LY75: variants seen among roughly 807,000 people sequenced by gnomAD.
The protein encoded by LY75 is C-type lectin domain family 13 member B.
A neutral mutation model predicts 231.7 loss-of-function variants in LY75; 185 were observed. The observed-to-expected ratio is 0.80, with a 90% confidence interval of 0.71 to 0.90. The LOEUF (loss-of-function observed/expected upper bound fraction) is 0.90, where lower values mean the gene tolerates loss of function less well. Among genes scored for constraint, LY75 ranks in the 40% least tolerant of loss-of-function variants. LY75 has a pLI of 0.00. For synonymous variants in LY75, 668 were observed against 689.0 expected, an observed-to-expected ratio of 0.97 and a Z score of 0.48; for missense variants, 1,947 against 2,050.2, an observed-to-expected ratio of 0.95 and a Z score of 0.97.
At chr2:159,845,932 G>A (rs1440945555) in intron 23 of LY75, among the ~76,000 whole-genome samples, 1 of 151,408 alleles carries the variant, frequency 6.6e-6, no homozygotes, top group Non-Finnish European at 1.5e-5. Flanking sequence ...TATGATAAAA[G>A]AGGCATCCTA....
chr2:159,815,613 T>C, intron 30 of LY75, 40 bp from the exon 31 acceptor site: 1 of 1,582,844 alleles, frequency 6.3e-7, no homozygotes, highest in African/African-American at 1.4e-5. Context: ...ATCCAGATGT[T>C]TGACTTCAAA....
intron 3 of LY75, among the ~76,000 whole-genome samples, chr2:159,893,491 A>T (rs758278964): frequency 1.3e-5 from 2 of 152,130 alleles, no homozygotes; most frequent in Non-Finnish European, 2.9e-5. Context: ...ATTTGTTGCA[A>T]TTTTGTCCTT....
chr2:159,879,475 A>G (rs1030175153), intron 8 of LY75, 106 bp from the exon 9 acceptor site: 4 of 1,477,566 alleles, frequency 2.7e-6, no homozygotes, highest in East Asian at 2.3e-5. Context: ...AGAAATGAAT[A>G]TAAGTGAATT....
intron 28 of LY75, among the ~76,000 whole-genome samples, chr2:159,825,779 A>T (rs62175255): frequency 6.6e-6 from 1 of 151,856 alleles, no homozygotes; most frequent in South Asian, 2.1e-4. Flanking sequence ...TCGGCTTCAT[A>T]TCTGGGATGA....
Position 159,894,090 on chromosome 2 carries a change from T to G in LY75, c.467-6A>C, listed in dbSNP as rs1260545935. 2 of 1,586,320 alleles carry G rather than the reference T, an allele frequency of 1.3e-6. No individual in the cohort carries two copies. Among genetic ancestry groups the G allele is most frequent in the Non-Finnish European group, 1.7e-6 (2 of 1,167,786 alleles). ...CCCATCTCTGGTATAGATCTCTGGG[T>G]TGGAGAGGAAGTTGGGGAAAAGAGA... On this transcript the variant is annotated splice_region_variant and splice_polypyrimidine_tract_variant and intron_variant, in intron 2 of 34. Coordinates refer to ENST00000263636, the MANE Select transcript of LY75 (RefSeq NM_002349.4).
chr2:159,864,631 T>C (rs1464302337), intron 14 of LY75, among the ~76,000 whole-genome samples: 1 of 152,198 alleles, frequency 6.6e-6, no homozygotes, highest in Non-Finnish European at 1.5e-5. Flanking sequence ...CATGCTGTTT[T>C]GGTTACTATA....
At chr2:159,816,232 T>C (rs1229565863) in intron 30 of LY75, among the ~76,000 whole-genome samples, 1 of 152,206 alleles carries the variant, frequency 6.6e-6, no homozygotes, top group African/African-American at 2.4e-5. Flanking sequence ...TTAAATAATA[T>C]GATTCAAATA....
chr2:159,904,705 G>T lies in LY75; in HGVS notation c.-23C>A, dbSNP rs1226104311. On this transcript the variant is annotated 5_prime_UTR_variant, in exon 1 of 35. Transcript: ENST00000263636. ...CATCCTGAGCTGGCGCAAGCCTTCCGGCCGGGTCCTCGGGCGCACGCGGCT... is the reference window on the plus strand; with the variant it reads ...CATCCTGAGCTGGCGCAAGCCTTCCTGCCGGGTCCTCGGGCGCACGCGGCT... 4.3e-6 allele frequency: 6 copies of T among 1,408,378 alleles called. No individual in the cohort carries two copies. The East Asian group carries it at 1.8e-4, about 43-fold the overall frequency. The allele number at this position is 1,408,378 out of a possible 1,614,324, so 87.2% of individuals were successfully genotyped here.
chr2:159,879,233 A>C lies in LY75; in HGVS notation c.1515+26T>G, dbSNP rs938252801. Reference sequence around the variant, plus strand: ...CCAAGAAGTTGTAATACTGCTTGAGAAAATTTACATAGGGATTTTACCTAC... The same window carrying C: ...CCAAGAAGTTGTAATACTGCTTGAGCAAATTTACATAGGGATTTTACCTAC... On this transcript the variant is annotated intron_variant, in intron 9 of 34. Coordinates refer to ENST00000263636, the MANE Select transcript of LY75 (RefSeq NM_002349.4). 10 of 1,603,042 alleles carry C rather than the reference A, an allele frequency of 6.2e-6. No homozygotes were observed. In the East Asian group the frequency reaches 2.2e-4, roughly 36 times the overall value.
At chr2:159,828,697 T>C (rs1683555727) in intron 28 of LY75, among the ~76,000 whole-genome samples, 1 of 152,184 alleles carries the variant, frequency 6.6e-6, no homozygotes, top group South Asian at 2.1e-4. Flanking sequence ...CAGAGAAGCA[T>C]TATACATAAT....
intron 3 of LY75, among the ~76,000 whole-genome samples, chr2:159,891,842 G>A (rs1241412046): frequency 6.6e-6 from 1 of 152,214 alleles, no homozygotes; most frequent in Non-Finnish European, 1.5e-5. Context: ...CTGAGAAACA[G>A]GGGTTTACAT....
At chr2:159,818,013 C>T (rs1373789359) in intron 29 of LY75, among the ~76,000 whole-genome samples, 1 of 152,008 alleles carries the variant, frequency 6.6e-6, no homozygotes, top group African/African-American at 2.4e-5. Flanking sequence ...GGCGCCACTG[C>T]ACTCCAGCCT....
intron 3 of LY75, 37 bp from the exon 4 acceptor site, chr2:159,890,414 G>A: frequency 6.2e-7 from 1 of 1,608,112 alleles, no homozygotes; most frequent in Non-Finnish European, 8.5e-7. Flanking sequence ...ATAAAGTAAG[G>A]ACATAATGTT....
At chr2:159,889,001 C>T (rs1034048935) in intron 4 of LY75, among the ~76,000 whole-genome samples, 4 of 152,108 alleles carry the variant, frequency 2.6e-5, no homozygotes, top group African/African-American at 9.7e-5. Context: ...TCATATATTA[C>T]AATTATTTGT....
rs928211122 is a variant in LY75 at position 159,804,313 on chromosome 2, G to C, written c.*731C>G. On this transcript the variant is annotated 3_prime_UTR_variant, in exon 35 of 35. Transcript: ENST00000263636. ...GAGGATCACCTGCGGTCACGAGTTC[G>C]AGACCAGCCTGGCCAACATGGTGAA... 4 of 152,146 alleles carry C rather than the reference G, an allele frequency of 2.6e-5. No individual in the cohort carries two copies. The highest frequency in any genetic ancestry group is 6.5e-5 in the Admixed American group (1 of 15,278). 9.4% of individuals were successfully genotyped at this position (152,146 alleles called of 1,614,324 possible).
rs1685237266 is a variant in LY75 at position 159,875,463 on chromosome 2, G to C, written c.1955C>G (p.Ala652Gly). The C allele has an allele frequency of 6.2e-7, 1 of 1,613,136 alleles. No individual in the cohort carries two copies. The highest frequency in any genetic ancestry group is 1.3e-5 in the African/African-American group (1 of 74,840). ...CTTTACCTTATAACAAGAAAGACTT[G>C]CGGGGAAACTCTGCCAGCCTTCAGG... ...PCPEGWQSFP[A>G]SLSCYKVFHA... Residue 652 changes from alanine (A) to glycine (G), a missense_variant, in exon 12 of 35, where the codon GCA (alanine) becomes GGA (glycine). Physicochemically the swap from Ala to Gly is moderately conservative, Grantham distance 60 (BLOSUM62 0). Coordinates refer to ENST00000263636, the MANE Select transcript of LY75 (RefSeq NM_002349.4).
At chr2:159,807,957 T>C in intron 33 of LY75, 1 of 943,776 alleles carries the variant, frequency 1.1e-6, no homozygotes, top group African/African-American at 1.8e-5. Context: ...CACACCAACC[T>C]AACACTAAGA....
intron 33 of LY75, chr2:159,807,686 A>G (rs2244183): frequency 1.0e-6 from 1 of 980,236 alleles, no homozygotes; most frequent in East Asian, 1.1e-4. Flanking sequence ...TAGATGGACA[A>G]CTTGGAATCC....
intron 16 of LY75, among the ~76,000 whole-genome samples, chr2:159,858,086 T>G (rs1684597659): frequency 6.6e-6 from 1 of 152,190 alleles, no homozygotes; most frequent in Admixed American, 6.5e-5. Flanking sequence ...TAAAATAATA[T>G]TTCATCCAAA....
Sources: allele counts gnomAD v4.1 joint callset (sites outside exome capture counted in the v4.1 genomes callset), GRCh38; gene constraint gnomAD v4.1.1; transcripts MANE v1.5; gene names NCBI Gene and HGNC (gene_info 2026-07-23, HGNC 2026-07-21).